SUGCT: variants seen among roughly 807,000 people sequenced by gnomAD.
SUGCT encodes the protein succinyl-CoA:glutarate-CoA transferase, also known as succinyl-CoA:glutarate CoA-transferase.
SUGCT carries 41 observed loss-of-function variants against 55.0 expected under a neutral mutation model. The observed-to-expected ratio is 0.74, with a 90% CI of 0.58 to 0.97. The LOEUF is 0.97. Among genes scored for constraint, SUGCT ranks in the 50% least tolerant of loss-of-function variants. The pLI is 0.00. For missense variants in SUGCT, 568 were observed against 547.8 expected, an observed-to-expected ratio of 1.04 and a Z score of -0.37; for synonymous variants, 187 against 200.4, an observed-to-expected ratio of 0.93 and a Z score of 0.56.
chr7:40,651,174 A>C (rs574596283), intron 12 of SUGCT, among the ~76,000 whole-genome samples: 1 of 152,172 alleles, frequency 6.6e-6, no homozygotes, highest in African/African-American at 2.4e-5. Context: ...TAGTGCTGCA[A>C]TGAAAATATG....
intron 13 of SUGCT, among the ~76,000 whole-genome samples, chr7:40,831,075 A>G (rs543821246): frequency 2.6e-4 from 40 of 152,286 alleles, no homozygotes; most frequent in Admixed American, 2.0e-3. Context: ...TATTTAGCTT[A>G]AGATCATCAT....
chr7:40,917,891 A>G, the SUGCT span, among the ~76,000 whole-genome samples: 1 of 152,224 alleles, frequency 6.6e-6, no homozygotes, highest in East Asian at 1.9e-4. Flanking sequence ...TATCTCTCAA[A>G]GGCTCCATCT....
intron 9 of SUGCT, among the ~76,000 whole-genome samples, chr7:40,403,974 G>C (rs917723474): frequency 6.6e-6 from 1 of 152,262 alleles, no homozygotes; most frequent in African/African-American, 2.4e-5. Context: ...TTGGGCATTT[G>C]TATTCTTTGG....
At chr7:40,967,389 A>G in the SUGCT span, 5 of 152,216 alleles carry the variant, frequency 3.3e-5, no homozygotes, top group East Asian at 9.6e-4. Context: ...ATCTCCGTTT[A>G]ATAAGACAAG....
At chr7:40,892,012 A>C in the SUGCT span, among the ~76,000 whole-genome samples, 4,619 of 152,200 alleles carry the variant, frequency 0.03, 77 homozygotes, top group Non-Finnish European at 0.047. Context: ...GTCTCAACAA[A>C]AAAAAAAGAA....
intron 13 of SUGCT, among the ~76,000 whole-genome samples, chr7:40,825,602 A>T (rs991114138): frequency 3.9e-5 from 6 of 152,214 alleles, no homozygotes; most frequent in Non-Finnish European, 8.8e-5. Context: ...GAGTAAGGGA[A>T]AAAATGGAGG....
At chr7:40,415,030 G>A (rs1386348435) in intron 9 of SUGCT, among the ~76,000 whole-genome samples, 1 of 106,482 alleles carries the variant, frequency 9.4e-6, no homozygotes, top group African/African-American at 3.7e-5. Flanking sequence ...GGGTGACAGA[G>A]CCACACTCTG....
chr7:40,915,697 C>T, the SUGCT span, among the ~76,000 whole-genome samples: 3 of 152,218 alleles, frequency 2.0e-5, no homozygotes, highest in South Asian at 6.2e-4. Flanking sequence ...ACTCATTCTC[C>T]TGCTGGGACA....
At chr7:40,427,457 T>G (rs1159491738) in intron 9 of SUGCT, among the ~76,000 whole-genome samples, 1 of 152,154 alleles carries the variant, frequency 6.6e-6, no homozygotes, top group Non-Finnish European at 1.5e-5. Context: ...GTGGACATTG[T>G]ATATTCTGTT....
intron 8 of SUGCT, among the ~76,000 whole-genome samples, chr7:40,280,881 G>C (rs919200536): frequency 6.6e-6 from 1 of 152,078 alleles, no homozygotes; most frequent in Non-Finnish European, 1.5e-5. Context: ...GTTACTTCTG[G>C]TGCGGGTCTT....
At chr7:40,934,434 C>T in the SUGCT span, among the ~76,000 whole-genome samples, 1 of 152,318 alleles carries the variant, frequency 6.6e-6, no homozygotes, top group South Asian at 2.1e-4. Context: ...CCTTTCTTAG[C>T]ACTCAAATGC....
At chr7:40,975,806 T>C in the SUGCT span, among the ~76,000 whole-genome samples, 2 of 152,232 alleles carry the variant, frequency 1.3e-5, no homozygotes, top group Non-Finnish European at 2.9e-5. Context: ...GTGTGTTGAA[T>C]GAACACTCAT....
intron 12 of SUGCT, among the ~76,000 whole-genome samples, chr7:40,516,202 T>C (rs1405104574): frequency 1.3e-5 from 2 of 152,176 alleles, no homozygotes; most frequent in African/African-American, 4.8e-5. Context: ...AAAAATTTGG[T>C]TATTTGTCTA....
intron 10 of SUGCT, 55 bp downstream of exon 10, chr7:40,449,413 T>C: frequency 2.1e-6 from 3 of 1,441,228 alleles, no homozygotes; most frequent in Non-Finnish European, 2.9e-6. Context: ...CAGGGAAAGT[T>C]CAGTTTTGCC....
chr7:40,964,665 T>C, the SUGCT span: 2 of 152,188 alleles, frequency 1.3e-5, no homozygotes, highest in Non-Finnish European at 2.9e-5. Flanking sequence ...CCCAAGTAAA[T>C]ATTCTGTTTG....
chr7:40,466,198 T>C (rs1333852171), intron 11 of SUGCT, among the ~76,000 whole-genome samples: 1 of 152,204 alleles, frequency 6.6e-6, no homozygotes, highest in Non-Finnish European at 1.5e-5. Context: ...TGAGTCACTA[T>C]GCCTGGCTTC....
intron 9 of SUGCT, among the ~76,000 whole-genome samples, chr7:40,382,850 A>G (rs762916441): frequency 6.6e-6 from 1 of 152,144 alleles, no homozygotes; most frequent in African/African-American, 2.4e-5. Flanking sequence ...TTATCTTTGG[A>G]AAGTATTTAG....
intron 12 of SUGCT, among the ~76,000 whole-genome samples, chr7:40,746,635 C>T (rs536254849): frequency 1.3e-5 from 2 of 152,124 alleles, no homozygotes; most frequent in East Asian, 1.9e-4. Flanking sequence ...AGACAGCAAT[C>T]GGCATAGGGG....
the SUGCT span, among the ~76,000 whole-genome samples, chr7:40,976,243 A>T: frequency 3.3e-5 from 5 of 152,296 alleles, no homozygotes; most frequent in South Asian, 1.0e-3. Flanking sequence ...GCTGCCCTCA[A>T]TTGCTTCTAA....
Sources: gnomAD v4.1 joint callset for allele counts (sites outside exome capture counted in the v4.1 genomes callset) on GRCh38, gnomAD v4.1.1 for gene constraint, MANE v1.5 for transcripts, NCBI Gene and HGNC (gene_info 2026-07-23, HGNC 2026-07-21) for gene names.